SDK1: variants seen among roughly 807,000 people sequenced by gnomAD.
SDK1 encodes the protein protein sidekick-1.
A neutral mutation model predicts 245.5 loss-of-function variants in SDK1; 157 were observed. The observed-to-expected ratio is 0.64, with a 90% CI of 0.56 to 0.73. SDK1 has a LOEUF of 0.73. SDK1 is among the 30% of genes least tolerant of loss of function. SDK1 has a pLI of 0.00. For synonymous variants in SDK1, 1,647 were observed against 1,278.5 expected (o/e 1.29, Z -6.15); for missense variants, 3,583 against 3,002.3 (o/e 1.19, Z -4.52).
chr7:3,656,862 C>G (rs1370264081), intron 4 of SDK1, among the ~76,000 whole-genome samples: 2 of 152,064 alleles, frequency 1.3e-5, no homozygotes, highest in African/African-American at 4.8e-5. Flanking sequence ...ATTCTCCTGC[C>G]TCAGCCTCCC....
At chr7:3,848,438 G>A (rs1276260670) in intron 5 of SDK1, among the ~76,000 whole-genome samples, 6 of 152,164 alleles carry the variant, frequency 3.9e-5, no homozygotes, top group South Asian at 2.1e-4. Flanking sequence ...AGTAGGAGGA[G>A]GGTGATCGTG....
chr7:3,874,334 C>T (rs777130327), intron 5 of SDK1, among the ~76,000 whole-genome samples: 64 of 152,300 alleles, frequency 4.2e-4, no homozygotes, highest in Non-Finnish European at 6.3e-4. Context: ...TTGCACTGGT[C>T]CCCTCAGGGA....
intron 14 of SDK1, among the ~76,000 whole-genome samples, chr7:3,999,367 C>T (rs1166795372): frequency 6.6e-6 from 1 of 152,008 alleles, no homozygotes; most frequent in Non-Finnish European, 1.5e-5. Flanking sequence ...AAAGAACACT[C>T]ACAAAATTAA....
intron 4 of SDK1, among the ~76,000 whole-genome samples, chr7:3,717,561 A>G (rs1358050280): frequency 1.3e-5 from 2 of 152,182 alleles, no homozygotes; most frequent in African/African-American, 4.8e-5. Flanking sequence ...AAAGACACAA[A>G]TCACTAATGT....
At chr7:3,361,283 C>A (rs1388946503) in intron 1 of SDK1, among the ~76,000 whole-genome samples, 1 of 152,138 alleles carries the variant, frequency 6.6e-6, no homozygotes, top group Non-Finnish European at 1.5e-5. Context: ...CATTTTAAAA[C>A]CCGAATTGAA....
intron 35 of SDK1, among the ~76,000 whole-genome samples, chr7:4,196,402 T>G (rs778624663): frequency 2.5e-4 from 38 of 152,254 alleles, no homozygotes; most frequent in Non-Finnish European, 3.8e-4. Context: ...TGTCTCACTC[T>G]CTGCTTTCAA....
At chr7:3,662,924 G>A (rs746379148) in intron 4 of SDK1, among the ~76,000 whole-genome samples, 1 of 152,124 alleles carries the variant, frequency 6.6e-6, no homozygotes, top group Non-Finnish European at 1.5e-5. Flanking sequence ...TCTGAAATAC[G>A]AAGCACTTAT....
intron 35 of SDK1, among the ~76,000 whole-genome samples, chr7:4,199,855 C>G (rs1043823011): frequency 2.6e-5 from 4 of 152,184 alleles, no homozygotes; most frequent in African/African-American, 9.6e-5. Context: ...CAGCGAACCA[C>G]TCAAATTAAC....
At position 4,145,845 on chromosome 7, in the gene SDK1, G is replaced by A. The variant is rs1166717126; in HGVS notation, c.4352G>A (p.Arg1451Lys). The change falls in exon 29 of 45, where the codon AGG becomes AAG. Residue 1451 changes from arginine (R) to lysine (K), a missense_variant. Arg to Lys is a conservative substitution (Grantham distance 26). Transcript: ENST00000404826. ...DLAPESAYIF[R>K]LSAKTRQGWG... ...GCCCCGGAGTCCGCATACATCTTCAGGCTGTCCGCCAAGACGAGGCAGGGC... is the reference window on the plus strand; with the variant it reads ...GCCCCGGAGTCCGCATACATCTTCAAGCTGTCCGCCAAGACGAGGCAGGGC... 6.2e-7 allele frequency: 1 copy of A among 1,613,722 alleles called. No homozygotes were observed. Among genetic ancestry groups the A allele is most frequent in the East Asian group, 2.2e-5 (1 of 44,886 alleles).
intron 19 of SDK1, among the ~76,000 whole-genome samples, chr7:4,056,345 C>T (rs1779194419): frequency 6.6e-6 from 1 of 152,030 alleles, no homozygotes; most frequent in African/African-American, 2.4e-5. Context: ...ATGAGAGGGG[C>T]TTCAGGGGCC....
chr7:3,612,485 G>T lies in SDK1; in HGVS notation c.299-6595G>T, dbSNP rs560993248. On this transcript the variant is annotated intron_variant, in intron 1 of 44. Transcript: ENST00000404826. ...AGGTATACATAATGAACTGCCAGCA[G>T]CTGAAATTTGAATGACTACACTTAC... is the stretch of plus-strand genomic sequence containing the variant. 5.3e-5 allele frequency among the ~76,000 whole-genome samples: 8 copies of T among 152,234 alleles called. No individual in the cohort carries two copies. In the Middle Eastern group the frequency reaches 0.017, roughly 324 times the overall value.
chr7:3,590,205 A>G lies in SDK1; in HGVS notation c.299-28875A>G, dbSNP rs144821654. Among the ~76,000 whole-genome samples the G allele has an allele frequency of 8.1e-4, 123 of 151,248 alleles. 1 individual carries two copies. The East Asian group carries it at 0.023, about 28-fold the overall frequency. On this transcript the variant is annotated intron_variant, in intron 1 of 44. Transcript: ENST00000404826. ...GGGTTCAGTTTCTTTATGTTTCTTC[A>G]GTTTTCTGTTACGGATACTGGAGCA...
At chr7:3,331,955 A>G (rs557121892) in intron 1 of SDK1, among the ~76,000 whole-genome samples, 27 of 152,326 alleles carry the variant, frequency 1.8e-4, no homozygotes, top group African/African-American at 5.8e-4. Context: ...TGCTTACTTT[A>G]CAGGTACTAA....
At chr7:3,476,435 C>G (rs1454524004) in intron 1 of SDK1, among the ~76,000 whole-genome samples, 1 of 152,148 alleles carries the variant, frequency 6.6e-6, no homozygotes, top group Non-Finnish European at 1.5e-5. Flanking sequence ...ATTACTTTTT[C>G]CTAGATTATT....
At chr7:3,671,388 A>C (rs941987882) in intron 4 of SDK1, among the ~76,000 whole-genome samples, 2 of 152,218 alleles carry the variant, frequency 1.3e-5, no homozygotes, top group South Asian at 4.1e-4. Flanking sequence ...CAAATTTAAG[A>C]AGGAAATGGA....
chr7:4,079,128 A>C (rs1329683165), intron 21 of SDK1, among the ~76,000 whole-genome samples: 1 of 152,218 alleles, frequency 6.6e-6, no homozygotes, highest in Non-Finnish European at 1.5e-5. Flanking sequence ...ACATTCATTC[A>C]TCCTTTCCTC....
chr7:3,517,072 A>G (rs1395978783), intron 1 of SDK1, among the ~76,000 whole-genome samples: 1 of 152,190 alleles, frequency 6.6e-6, no homozygotes, highest in African/African-American at 2.4e-5. Flanking sequence ...TGTATTTTAT[A>G]CATTATTCAT....
At chr7:4,189,893 G>A (rs1175093410) in intron 35 of SDK1, among the ~76,000 whole-genome samples, 1 of 152,078 alleles carries the variant, frequency 6.6e-6, no homozygotes, top group African/African-American at 2.4e-5. Context: ...GAAAATATCT[G>A]TTTGCTGTTT....
chr7:3,437,321 C>G (rs1780057698), intron 1 of SDK1, among the ~76,000 whole-genome samples: 1 of 151,944 alleles, frequency 6.6e-6, no homozygotes, highest in Non-Finnish European at 1.5e-5. Flanking sequence ...ATTAAAAAAT[C>G]AGTGTAATCA....
Sources: allele counts gnomAD v4.1 joint callset (sites outside exome capture counted in the v4.1 genomes callset), GRCh38; gene constraint gnomAD v4.1.1; transcripts MANE v1.5; gene names NCBI Gene and HGNC (gene_info 2026-07-23, HGNC 2026-07-21).